The following GPC5 variants were observed in gnomAD, a reference collection of about 807,000 sequenced individuals.
The protein encoded by GPC5 is glypican-5.
In GPC5, 47 loss-of-function variants were observed where a neutral mutation model predicts 53.9. The observed-to-expected ratio is 0.87, with a 90% CI of 0.69 to 1.11. GPC5 has a LOEUF of 1.11. GPC5 is among the 50% of genes most tolerant of loss of function. The pLI is 0.00. For missense variants in GPC5, 748 were observed against 713.1 expected (o/e 1.05, Z -0.56); for synonymous variants, 286 against 263.3 (o/e 1.09, Z -0.84).
At chr13:92,746,159 C>G (rs1200192051) in intron 7 of GPC5, among the ~76,000 whole-genome samples, 3 of 152,096 alleles carry the variant, frequency 2.0e-5, no homozygotes, top group Non-Finnish European at 4.4e-5. Context: ...TTCAGCTGTA[C>G]ATCTAACTTG....
intron 7 of GPC5, among the ~76,000 whole-genome samples, chr13:92,408,486 T>C (rs1398269290): frequency 2.0e-5 from 3 of 152,116 alleles, no homozygotes; most frequent in Non-Finnish European, 4.4e-5. Context: ...ATGTTTTATA[T>C]ATTTAAGTCA....
chr13:91,465,415 A>G (rs1296386045), intron 2 of GPC5, among the ~76,000 whole-genome samples: 1 of 152,096 alleles, frequency 6.6e-6, no homozygotes, highest in African/African-American at 2.4e-5. Flanking sequence ...GGAATCATAC[A>G]TCATGTAGCC....
At chr13:92,535,944 G>T (rs1183198871) in intron 7 of GPC5, among the ~76,000 whole-genome samples, 1 of 152,090 alleles carries the variant, frequency 6.6e-6, no homozygotes, top group Non-Finnish European at 1.5e-5. Context: ...AAATTAAGAT[G>T]CAAACATGAA....
chr13:91,462,564 A>G (rs892829239), intron 2 of GPC5, among the ~76,000 whole-genome samples: 15 of 152,240 alleles, frequency 9.9e-5, no homozygotes, highest in Admixed American at 7.9e-4. Flanking sequence ...CTACCCGCTG[A>G]AAATGTGAAA....
chr13:91,708,359 G>A (rs185052099), intron 3 of GPC5, among the ~76,000 whole-genome samples: 140 of 152,018 alleles, frequency 9.2e-4, no homozygotes, highest in African/African-American at 3.3e-3. Flanking sequence ...GAAAGCTGAT[G>A]CCACCTCAGT....
intron 6 of GPC5, among the ~76,000 whole-genome samples, chr13:92,043,936 C>A (rs776933190): frequency 6.6e-6 from 1 of 152,232 alleles, no homozygotes; most frequent in Non-Finnish European, 1.5e-5. Flanking sequence ...AATTTGAATC[C>A]GATAACTTCA....
chr13:91,646,239 A>G (rs2034554257), intron 2 of GPC5, among the ~76,000 whole-genome samples: 1 of 152,190 alleles, frequency 6.6e-6, no homozygotes, highest in African/African-American at 2.4e-5. Context: ...GCAACCTGTT[A>G]TCTTTAACAA....
intron 7 of GPC5, among the ~76,000 whole-genome samples, chr13:92,781,045 A>T (rs140956738): frequency 6.6e-6 from 1 of 152,146 alleles, no homozygotes; most frequent in African/African-American, 2.4e-5. Context: ...ACACATATAC[A>T]TCTTCACATC....
chr13:92,555,818 A>G (rs1882474360), intron 7 of GPC5, among the ~76,000 whole-genome samples: 1 of 150,708 alleles, frequency 6.6e-6, no homozygotes, highest in Non-Finnish European at 1.5e-5. Context: ...CTAGCAAAAT[A>G]CATCTGCTAC....
chr13:91,741,194 G>T (rs905861379), intron 4 of GPC5, among the ~76,000 whole-genome samples: 8 of 152,002 alleles, frequency 5.3e-5, no homozygotes, highest in Non-Finnish European at 8.8e-5. Flanking sequence ...GGATTTTTTT[G>T]AAACAAAATA....
chr13:91,496,118 T>C (rs994883784), intron 2 of GPC5, among the ~76,000 whole-genome samples: 8 of 148,588 alleles, frequency 5.4e-5, no homozygotes, highest in Admixed American at 2.0e-4. Flanking sequence ...GCAATATTAG[T>C]ATTAAGTACG....
At chr13:91,440,092 G>T (rs987168347) in intron 1 of GPC5, among the ~76,000 whole-genome samples, 5 of 152,016 alleles carry the variant, frequency 3.3e-5, no homozygotes, top group Non-Finnish European at 7.4e-5. Context: ...TTGTCTTGGG[G>T]TTCAAGGAGC....
At chr13:92,449,633 A>G (rs1877978708) in intron 7 of GPC5, among the ~76,000 whole-genome samples, 1 of 152,186 alleles carries the variant, frequency 6.6e-6, no homozygotes, top group African/African-American at 2.4e-5. Context: ...GAATAATTTG[A>G]TAAGAGTTCT....
chr13:91,492,425 A>C (rs1343078164), intron 2 of GPC5, among the ~76,000 whole-genome samples: 7 of 152,124 alleles, frequency 4.6e-5, no homozygotes, highest in Admixed American at 1.3e-4. Flanking sequence ...AAGGCCTGAG[A>C]ATCTGGGGTG....
intron 7 of GPC5, among the ~76,000 whole-genome samples, chr13:92,501,965 C>T (rs1230094585): frequency 1.3e-5 from 2 of 151,918 alleles, no homozygotes; most frequent in Non-Finnish European, 2.9e-5. Flanking sequence ...GGAAATTCTT[C>T]ATAGAAAAAG....
chr13:91,404,550 T>C (rs1330428484), intron 1 of GPC5, among the ~76,000 whole-genome samples: 1 of 152,206 alleles, frequency 6.6e-6, no homozygotes, highest in African/African-American at 2.4e-5. Context: ...TCTTGAACTT[T>C]TCAGTTTTAG....
chr13:92,787,667 C>CAAAAAAAAA (rs71202562), intron 7 of GPC5, among the ~76,000 whole-genome samples: 744 of 56,136 alleles, frequency 0.013, 15 homozygotes, highest in African/African-American at 0.039. Flanking sequence ...CTCATAGCTA[C>CAAAAAAAAA]AAAAAAAAAA....
At chr13:92,456,069 A>T (rs529174874) in intron 7 of GPC5, among the ~76,000 whole-genome samples, 1 of 152,338 alleles carries the variant, frequency 6.6e-6, no homozygotes, top group South Asian at 2.1e-4. Context: ...TTTAAAAAGG[A>T]TACAATAATT....
chr13:91,592,440 T>TG (rs2032835155), intron 2 of GPC5, among the ~76,000 whole-genome samples: 1 of 152,194 alleles, frequency 6.6e-6, no homozygotes, highest in Admixed American at 6.5e-5. Context: ...TGAGGTGTTC[T>TG]GGGCTGGGGT....
Sources: allele counts gnomAD v4.1 joint callset (sites outside exome capture counted in the v4.1 genomes callset), GRCh38; gene constraint gnomAD v4.1.1; transcripts MANE v1.5; gene names NCBI Gene and HGNC (gene_info 2026-07-23, HGNC 2026-07-21).